DHRS4L2: variants seen among roughly 807,000 people sequenced by gnomAD.
DHRS4L2 encodes the protein dehydrogenase/reductase SDR family member 4-like 2.
DHRS4L2 carries 22 observed loss-of-function variants against 23.9 expected under a neutral mutation model. The observed-to-expected ratio is 0.92, with a 90% confidence interval of 0.66 to 1.31. The LOEUF (loss-of-function observed/expected upper bound fraction) is 1.31, where lower values mean the gene tolerates loss of function less well. DHRS4L2 is among the 40% of genes most tolerant of loss of function. The pLI, the probability that DHRS4L2 is intolerant of heterozygous loss-of-function variation, is 0.00. For missense variants in DHRS4L2, 385 were observed against 303.3 expected (o/e 1.27, Z -2.00); for synonymous variants, 141 against 123.7 (o/e 1.14, Z -0.93).
At chr14:23,977,414 G>A (rs550871107) in intron 1 of DHRS4L2, among the ~76,000 whole-genome samples, 1 of 151,730 alleles carries the variant, frequency 6.6e-6, no homozygotes, top group East Asian at 1.9e-4. Context: ...TGGCCACTGC[G>A]ACCTAAAGTG....
chr14:23,988,777 G>T, upstream of DHRS4L2: 2 of 1,404,780 alleles, frequency 1.4e-6, no homozygotes, highest in South Asian at 1.6e-5. Context: ...CTGGCTGCGG[G>T]GCGGGGCGAC....
At chr14:23,994,172 A>C (rs1031976694) in intron 2 of DHRS4L2, among the ~76,000 whole-genome samples, 20 of 151,740 alleles carry the variant, frequency 1.3e-4, no homozygotes, top group African/African-American at 4.8e-4. Context: ...GTAAGTGTGG[A>C]CAGATTGACT....
At chr14:23,985,861 C>T (rs961198058), upstream of DHRS4L2, among the ~76,000 whole-genome samples, 2 of 151,422 alleles carry the variant, frequency 1.3e-5, no homozygotes, top group African/African-American at 4.8e-5. Context: ...ATTACAGGCA[C>T]ATGCCACCAG....
chr14:23,970,700 GA>G (rs1238844694), intron 1 of DHRS4L2, among the ~76,000 whole-genome samples: 2 of 152,062 alleles, frequency 1.3e-5, no homozygotes, highest in African/African-American at 4.8e-5. Context: ...TAGCTTGACT[GA>G]AAAACACCGA....
At chr14:23,975,225 C>T (rs1029739094) in intron 1 of DHRS4L2, among the ~76,000 whole-genome samples, 8 of 151,764 alleles carry the variant, frequency 5.3e-5, no homozygotes, top group Non-Finnish European at 1.2e-4. Context: ...TGATAAGCAA[C>T]TTCAGCAAAG....
intron 5 of DHRS4L2, 31 bp from the exon 6 acceptor site, chr14:24,001,353 A>G: frequency 6.3e-7 from 1 of 1,594,404 alleles, no homozygotes; most frequent in Non-Finnish European, 8.5e-7. Flanking sequence ...CCTGGAAACT[A>G]TGAGTCTAAC....
At chr14:23,989,424 A>C (rs367560781) in intron 1 of DHRS4L2, among the ~76,000 whole-genome samples, 1 of 151,450 alleles carries the variant, frequency 6.6e-6, no homozygotes, top group Admixed American at 6.6e-5. Context: ...ATCTTATAAC[A>C]AGGCCTCCAG....
chr14:23,996,552 C>T (rs1299988419), intron 3 of DHRS4L2, among the ~76,000 whole-genome samples: 1 of 150,588 alleles, frequency 6.6e-6, no homozygotes, highest in African/African-American at 2.4e-5. Flanking sequence ...TTTCTTAAAC[C>T]ATCTTTTCTT....
exon 1 of DHRS4L2, chr14:23,970,327 T>A (rs2138496589): frequency 2.3e-6 from 1 of 430,186 alleles, no homozygotes; most frequent in Middle Eastern, 6.2e-4. Context: ...AGCTGGAGCT[T>A]GACAGGTAGG....
upstream of DHRS4L2, among the ~76,000 whole-genome samples, chr14:23,986,380 G>A (rs1016346717): frequency 2.0e-5 from 3 of 151,264 alleles, no homozygotes; most frequent in Admixed American, 2.0e-4. Context: ...ATGGGGAAGG[G>A]ATAGCATTAG....
intron 5 of DHRS4L2, 23 bp from the exon 6 acceptor site, chr14:24,001,361 A>C (rs1449115538): frequency 3.1e-6 from 5 of 1,600,934 alleles, no homozygotes; most frequent in Admixed American, 1.7e-5. Context: ...CTATGAGTCT[A>C]ACACATTCTC....
At chr14:23,994,983 C>G (rs749781630) in intron 2 of DHRS4L2, 49 bp from the exon 3 acceptor site, 2 of 1,603,708 alleles carry the variant, frequency 1.2e-6, no homozygotes, top group Admixed American at 3.3e-5. Flanking sequence ...GGTAAATGCA[C>G]CTCCCTTACT....
chr14:23,990,756 T>G, intron 2 of DHRS4L2: 1 of 632,502 alleles, frequency 1.6e-6, no homozygotes, highest in Non-Finnish European at 2.0e-6. Context: ...ACTTACTATG[T>G]GCCATTTCCT....
intron 1 of DHRS4L2, among the ~76,000 whole-genome samples, chr14:23,977,530 A>T (rs188700761): frequency 6.7e-6 from 1 of 148,808 alleles, no homozygotes; most frequent in Admixed American, 6.6e-5. Flanking sequence ...TACGGGGAAA[A>T]ATTCATCAAA....
chr14:23,991,792 T>C (rs2034275728), intron 2 of DHRS4L2, among the ~76,000 whole-genome samples: 1 of 150,340 alleles, frequency 6.7e-6, no homozygotes, highest in South Asian at 2.1e-4. Flanking sequence ...GCTGAAGTGA[T>C]ATGGCACAAT....
intron 2 of DHRS4L2, among the ~76,000 whole-genome samples, chr14:23,993,679 TC>T (rs758044146): frequency 4.6e-5 from 7 of 151,752 alleles, no homozygotes; most frequent in Non-Finnish European, 1.0e-4. Context: ...ATGTTGCCTT[TC>T]TTCGCTTTCT....
Position 24,004,231 on chromosome 14 carries a change from T to C in DHRS4L2, c.666-106T>C, listed in dbSNP as rs934501084. The C allele has an allele frequency of 5.0e-5, 69 of 1,377,752 alleles. 1 individual carries two copies. Among genetic ancestry groups the C allele is most frequent in the Non-Finnish European group, 5.3e-5 (56 of 1,062,934 alleles). The allele number at this position is 1,377,752 out of a possible 1,614,324, so 85.3% of individuals were successfully genotyped here. ...TTGCAGTGAGCCAAGATAGCGCCAC[T>C]ACAGTCCGGCCTGGGCAAAAGAGCA... is the stretch of plus-strand genomic sequence containing the variant. On this transcript the variant is annotated intron_variant, in intron 6 of 7. Coordinates refer to ENST00000335125, the MANE Select transcript of DHRS4L2 (RefSeq NM_198083.4).
rs567537725 is a variant in DHRS4L2 at position 24,001,192 on chromosome 14, A to C, written c.531+108A>C. ...GTCCCCTTGTAGAATCACACCACCA[A>C]GTCCCTGCCCACAAAATAGATGCCT... On this transcript the variant is annotated intron_variant, in intron 5 of 7. Coordinates refer to ENST00000335125, the MANE Select transcript of DHRS4L2 (RefSeq NM_198083.4). 307 of 1,598,994 alleles carry C rather than the reference A, an allele frequency of 1.9e-4. 3 individuals carry two copies. In the East Asian group the frequency reaches 6.7e-3, roughly 35 times the overall value.
chr14:24,004,355 A>G lies in DHRS4L2; in HGVS notation c.684A>G (p.Lys228=). 6.2e-7 allele frequency: 1 copy of G among 1,604,532 alleles called. No homozygotes were observed. The highest frequency in any genetic ancestry group is 8.5e-7 in the Non-Finnish European group (1 of 1,178,698). ...ASAGCSGWTR[K]KRKA ...CCTACAGCTCTGGATGGACAAGGAA[A>G]AAGAGGAAAGCATGAAAGAAACCCT... The change falls in exon 7 of 8, where the codon AAA becomes AAG. Residue 228 remains lysine, a synonymous_variant. Transcript: ENST00000335125.
Sources: gnomAD v4.1 joint callset for allele counts (sites outside exome capture counted in the v4.1 genomes callset) on GRCh38, gnomAD v4.1.1 for gene constraint, MANE v1.5 for transcripts, NCBI Gene and HGNC (gene_info 2026-07-23, HGNC 2026-07-21) for gene names.